ARPP21: variants seen among roughly 807,000 people sequenced by gnomAD.
ARPP21 encodes cAMP-regulated phosphoprotein 21.
ARPP21 carries 69 observed loss-of-function variants against 113.2 expected under a neutral mutation model. The observed-to-expected ratio is 0.61, with a 90% CI of 0.50 to 0.74. ARPP21 has a LOEUF of 0.74. Ranked by LOEUF, ARPP21 falls within the 30% of genes least tolerant of loss-of-function variation. The probability of loss-of-function intolerance (pLI) is 0.00; values close to 1 mark genes in which losing one functional copy is unlikely to be tolerated. For synonymous variants in ARPP21, 368 were observed against 375.5 expected, an observed-to-expected ratio of 0.98 and a Z score of 0.23; for missense variants, 1,070 against 1,037.4, an observed-to-expected ratio of 1.03 and a Z score of -0.43.
chr3:35,777,824 CT>C (rs986788137), intron 19 of ARPP21, among the ~76,000 whole-genome samples: 5 of 151,458 alleles, frequency 3.3e-5, no homozygotes, highest in African/African-American at 7.3e-5. Context: ...CATAATTTAA[CT>C]TTTTTTTTGC....
chr3:35,761,655 CA>C (rs767400390), intron 19 of ARPP21, among the ~76,000 whole-genome samples: 4 of 151,764 alleles, frequency 2.6e-5, no homozygotes, highest in Non-Finnish European at 4.4e-5. Flanking sequence ...AATTAAGCTC[CA>C]GTGAGATTCT....
intron 19 of ARPP21, among the ~76,000 whole-genome samples, chr3:35,765,725 A>G (rs1287221007): frequency 1.3e-5 from 2 of 152,194 alleles, no homozygotes; most frequent in Non-Finnish European, 2.9e-5. Flanking sequence ...TAAGTCTTTT[A>G]AAATAGGTTA....
chr3:35,638,900 T>C (rs1448471603), upstream of ARPP21: 2 of 152,420 alleles, frequency 1.3e-5, no homozygotes, highest in African/African-American at 2.4e-5. Flanking sequence ...GGCTACGGAT[T>C]CATTCGGGTG....
chr3:35,732,927 T>C (rs964215670), intron 15 of ARPP21, among the ~76,000 whole-genome samples: 32 of 152,330 alleles, frequency 2.1e-4, no homozygotes, highest in African/African-American at 7.5e-4. Flanking sequence ...TGTCTATAAA[T>C]GTATCTTTGC....
Position 35,737,157 on chromosome 3 carries a change from TA to T in ARPP21, c.1460-19del. 2.0e-6 allele frequency: 3 copies of T among 1,508,512 alleles called. No individual in the cohort carries two copies. The highest frequency in any genetic ancestry group is 2.8e-6 in the Non-Finnish European group (3 of 1,090,630). 93.4% of individuals were successfully genotyped at this position (1,508,512 alleles called of 1,614,324 possible). On this transcript the variant is annotated intron_variant, in intron 15 of 20. Transcript: ENST00000684406. ...GAGAGATTGAGAAGCTTACCTGGAC[TA>T]AGTTCTGATTCCATTGCAGGCCAGC...
At chr3:35,740,206 C>A (rs982722745) in intron 18 of ARPP21, among the ~76,000 whole-genome samples, 1 of 152,198 alleles carries the variant, frequency 6.6e-6, no homozygotes, top group African/African-American at 2.4e-5. Context: ...TTCTCAAAGA[C>A]TGATTATGTG....
chr3:35,687,449 T>C, intron 5 of ARPP21, among the ~76,000 whole-genome samples: 1 of 151,350 alleles, frequency 6.6e-6, no homozygotes, highest in Non-Finnish European at 1.5e-5. Context: ...AAAATAAACC[T>C]GTAGAAAAAA....
At chr3:35,647,268 C>G (rs1049045370) in intron 1 of ARPP21, among the ~76,000 whole-genome samples, 1 of 152,020 alleles carries the variant, frequency 6.6e-6, no homozygotes, top group African/African-American at 2.4e-5. Flanking sequence ...ATACATCTTC[C>G]AGGATAAGAA....
chr3:35,721,634 C>A lies in ARPP21; in HGVS notation c.1025C>A (p.Ser342Tyr), dbSNP rs1475574629. 6.2e-7 allele frequency: 1 copy of A among 1,613,236 alleles called. No individual in the cohort carries two copies. Among genetic ancestry groups the A allele is most frequent in the Non-Finnish European group, 8.5e-7 (1 of 1,179,340 alleles). The part of the protein sequence containing the change: ...RGNRDGSGRT[S>Y]GSRQSSSENE... Reference sequence around the variant, plus strand: ...AACAGAGATGGCTCAGGGAGAACATCTGGGAGTCGACAGAGCAGCTCAGAA... The same window carrying A: ...AACAGAGATGGCTCAGGGAGAACATATGGGAGTCGACAGAGCAGCTCAGAA... The change falls in exon 14 of 21, where the codon TCT becomes TAT. Residue 342 changes from serine to tyrosine, a missense_variant. Transcript: ENST00000684406.
intron 15 of ARPP21, among the ~76,000 whole-genome samples, 162 bp from the exon 16 acceptor site, chr3:35,737,016 C>T (rs958815367): frequency 6.6e-6 from 1 of 152,228 alleles, no homozygotes; most frequent in Non-Finnish European, 1.5e-5. Context: ...CGATGGGTCA[C>T]AAACAGTAAG....
intron 11 of ARPP21, among the ~76,000 whole-genome samples, chr3:35,713,586 G>T (rs2091791975): frequency 6.6e-6 from 1 of 152,064 alleles, no homozygotes; most frequent in Admixed American, 6.6e-5. Context: ...TAAAGACAGG[G>T]TTTCACCATG....
intron 1 of ARPP21, chr3:35,678,813 A>G (rs1380436995): frequency 6.6e-6 from 1 of 151,958 alleles, no homozygotes; most frequent in Admixed American, 6.6e-5. Context: ...CAAACTACGT[A>G]ACTGGGATGC....
chr3:35,699,678 T>C (rs1014408864), intron 9 of ARPP21, among the ~76,000 whole-genome samples: 3 of 151,692 alleles, frequency 2.0e-5, no homozygotes, highest in African/African-American at 7.3e-5. Context: ...ATATAGCTTT[T>C]ATTTACACGT....
At chr3:35,702,807 C>T (rs776509753) in intron 9 of ARPP21, among the ~76,000 whole-genome samples, 4 of 151,680 alleles carry the variant, frequency 2.6e-5, no homozygotes, top group Non-Finnish European at 5.9e-5. Flanking sequence ...GTGAGATACA[C>T]TTATTTAAAA....
At chr3:35,705,179 T>G (rs901209748) in intron 9 of ARPP21, among the ~76,000 whole-genome samples, 3 of 152,070 alleles carry the variant, frequency 2.0e-5, no homozygotes, top group East Asian at 3.9e-4. Context: ...CATCCTAATT[T>G]CACTTGCTAT....
At chr3:35,737,804 C>T (rs531445975) in intron 16 of ARPP21, among the ~76,000 whole-genome samples, 1 of 152,268 alleles carries the variant, frequency 6.6e-6, no homozygotes, top group African/African-American at 2.4e-5. Flanking sequence ...ACTGGCTGTT[C>T]CTACATACTC....
intron 11 of ARPP21, among the ~76,000 whole-genome samples, chr3:35,713,316 T>C (rs2091725362): frequency 6.6e-6 from 1 of 152,148 alleles, no homozygotes; most frequent in South Asian, 2.1e-4. Context: ...TTTATGAAAA[T>C]GTAGTTGAGG....
At chr3:35,673,117 A>T (rs2076741886) in intron 1 of ARPP21, among the ~76,000 whole-genome samples, 1 of 152,056 alleles carries the variant, frequency 6.6e-6, no homozygotes, top group African/African-American at 2.4e-5. Flanking sequence ...TAAGATGTTA[A>T]CACAAAACTA....
At chr3:35,785,013 T>A (rs1289667490) in intron 19 of ARPP21, 1 of 152,132 alleles carries the variant, frequency 6.6e-6, no homozygotes, top group Non-Finnish European at 1.5e-5. Context: ...TTCATAATTA[T>A]CTTGCTGTAG....
Sources: gnomAD v4.1 joint callset for allele counts (sites outside exome capture counted in the v4.1 genomes callset) on GRCh38, gnomAD v4.1.1 for gene constraint, MANE v1.5 for transcripts, NCBI Gene and HGNC (gene_info 2026-07-23, HGNC 2026-07-21) for gene names.